Variants in RAB37 observed in about 807,000 individuals in gnomAD.
RAB37 encodes the protein RAB37, member RAS oncogene family.
Under a neutral mutation model 33.1 loss-of-function variants are expected in RAB37, and 29 were observed. The ratio of observed to expected loss-of-function variants is 0.88; its 90% confidence interval spans 0.65 to 1.20. The LOEUF is 1.20. RAB37 is among the 50% of genes most tolerant of loss of function. The probability of loss-of-function intolerance (pLI) is 0.00; values close to 1 mark genes in which losing one functional copy is unlikely to be tolerated. For synonymous variants in RAB37, 128 were observed against 119.5 expected (o/e 1.07, Z -0.47); for missense variants, 299 against 301.1 (o/e 0.99, Z 0.05).
At chr17:74,682,567 C>G (rs1405177464) in intron 1 of RAB37, among the ~76,000 whole-genome samples, 5 of 152,128 alleles carry the variant, frequency 3.3e-5, no homozygotes, top group African/African-American at 9.7e-5. Context: ...ACATGTCCAC[C>G]CCGAAGGTGG....
chr17:74,707,790 T>G (rs955525659), intron 1 of RAB37, among the ~76,000 whole-genome samples: 1 of 150,878 alleles, frequency 6.6e-6, no homozygotes, highest in Non-Finnish European at 1.5e-5. Flanking sequence ...AAACCATGAA[T>G]AAGATAAAAG....
At chr17:74,693,727 G>A (rs994040204) in intron 1 of RAB37, among the ~76,000 whole-genome samples, 2 of 152,008 alleles carry the variant, frequency 1.3e-5, no homozygotes, top group Admixed American at 6.6e-5. Context: ...CCAGGAGTTC[G>A]AGACCAGCCT....
In RAB37 at chr17:74,673,271, T is replaced by C. The variant is rs1022844622; in HGVS notation, c.72+1613T>C. 4.0e-5 allele frequency among the ~76,000 whole-genome samples: 6 copies of C among 151,616 alleles called. No homozygotes were observed. The East Asian group carries it at 1.2e-3, about 29-fold the overall frequency. The stretch of plus-strand genomic sequence containing the variant: ...TACAAAAATTCGCTGGGCATGGTGG[T>C]GTGCGCCTGTGATCCCAGCTACTCA... On this transcript the variant is annotated intron_variant, in intron 1 of 7. Transcript: ENST00000340415.
At position 74,730,308 on chromosome 17, in the gene RAB37, G is replaced by A. The variant is rs756831766; in HGVS notation, c.183+942G>A. On this transcript the variant is annotated intron_variant, in intron 2 of 7. Transcript: ENST00000340415. This position sits in a 1 kb window ranked among gnomAD's most constrained non-coding sequence, Gnocchi z 4.4. ...CAGAGCACAGGGCCTGTGAGATCAC[G>A]CTCAGGGTCAGGACGCAGCAGTGCC... is the stretch of plus-strand genomic sequence containing the variant. Among the ~76,000 whole-genome samples, 8 of 152,202 alleles carry A rather than the reference G, an allele frequency of 5.3e-5. No individual in the cohort carries two copies. The highest frequency in any genetic ancestry group is 7.2e-5 in the African/African-American group (3 of 41,456).
chr17:74,712,929 C>G, intron 1 of RAB37: 2 of 1,539,368 alleles, frequency 1.3e-6, no homozygotes, highest in Non-Finnish European at 1.8e-6. Context: ...AAACTACAGA[C>G]TCCCAGCCTT....
At chr17:74,681,107 A>T (rs578185422) in intron 1 of RAB37, among the ~76,000 whole-genome samples, 1 of 152,238 alleles carries the variant, frequency 6.6e-6, no homozygotes, top group Non-Finnish European at 1.5e-5. Context: ...GGTGGATCAG[A>T]GGGATGGCAC....
Position 74,671,766 on chromosome 17 carries a change from T to C in RAB37, c.72+108T>C. The C allele has an allele frequency of 1.1e-6, 1 of 926,586 alleles. No individual in the cohort carries two copies. The allele number at this position is 926,586 out of a possible 1,614,324, so 57.4% of individuals were successfully genotyped here. On this transcript the variant is annotated intron_variant, in intron 1 of 7. Coordinates refer to the RAB37 transcript ENST00000340415. The surrounding 1 kb of genome is among the most constrained non-coding windows in gnomAD (Gnocchi z 5.0). ...TGGGACTTAATGAGAAACTAGCTTG[T>C]ATCTGTGAGTCTGGGGAGCCCTTTC... is the stretch of plus-strand genomic sequence containing the variant.
intron 1 of RAB37, among the ~76,000 whole-genome samples, chr17:74,728,271 CAT>C (rs2034331310): frequency 1.3e-5 from 2 of 151,136 alleles, no homozygotes; most frequent in Non-Finnish European, 3.0e-5. Flanking sequence ...TGTGTTTCCA[CAT>C]GTCTGTGTGC....
chr17:74,732,982 G>T (rs1388339393), upstream of RAB37, among the ~76,000 whole-genome samples: 4 of 152,032 alleles, frequency 2.6e-5, no homozygotes, highest in African/African-American at 9.7e-5. Context: ...GGGTATTGTG[G>T]GGGTGTGCGT....
At chr17:74,723,519 G>A (rs545720161) in intron 1 of RAB37, among the ~76,000 whole-genome samples, 1 of 151,348 alleles carries the variant, frequency 6.6e-6, no homozygotes, top group African/African-American at 2.4e-5. Context: ...AAAGACGCTT[G>A]TCTGAATGGT....
At chr17:74,711,906 C>CTTTTT in intron 1 of RAB37, among the ~76,000 whole-genome samples, 1 of 123,668 alleles carries the variant, frequency 8.1e-6, no homozygotes, top group Non-Finnish European at 1.7e-5. Context: ...TTTCTTTTTT[C>CTTTTT]TTTTTTTTTT....
chr17:74,743,027 C>A, intron 3 of RAB37, 102 bp from the exon 4 acceptor site: 2 of 1,040,092 alleles, frequency 1.9e-6, no homozygotes, highest in Non-Finnish European at 2.9e-6. Flanking sequence ...AACAGCCCCA[C>A]CTTCCCACAG....
At chr17:74,691,758 A>G (rs913739499) in intron 1 of RAB37, among the ~76,000 whole-genome samples, 1 of 152,166 alleles carries the variant, frequency 6.6e-6, no homozygotes, top group Non-Finnish European at 1.5e-5. Context: ...ATACTTATAC[A>G]TTCTGGGTAG....
At chr17:74,681,615 G>A (rs1567774426) in intron 1 of RAB37, among the ~76,000 whole-genome samples, 1 of 152,202 alleles carries the variant, frequency 6.6e-6, no homozygotes, top group African/African-American at 2.4e-5. Flanking sequence ...GGAAAACAGA[G>A]GGGCACGCCA....
intron 1 of RAB37, chr17:74,695,253 T>A: frequency 6.2e-7 from 1 of 1,613,822 alleles, no homozygotes. Context: ...CAAGGAAGCC[T>A]GCAGCAAAGG....
rs907916065 is a variant in RAB37, at chr17:74,746,098, T to C, written c.*687T>C. ...AAGCACATTGGGGCACCTGGAAATA[T>C]TGGTTCCAGGCTCCTGTTCTCTGGA... is the stretch of plus-strand genomic sequence containing the variant. On this transcript the variant is annotated 3_prime_UTR_variant, in exon 9 of 9. Coordinates refer to ENST00000392613, the MANE Select transcript of RAB37 (RefSeq NM_001006638.3). The surrounding 1 kb of genome is among the most constrained non-coding windows in gnomAD (Gnocchi z 5.2). The C allele has an allele frequency of 2.6e-5, 4 of 152,244 alleles. No individual in the cohort carries two copies. Among genetic ancestry groups the C allele is most frequent in the African/African-American group, 9.7e-5 (4 of 41,438 alleles). 9.4% of individuals were successfully genotyped at this position (152,244 alleles called of 1,614,324 possible).
At chr17:74,687,960 A>T (rs1361463418) in intron 1 of RAB37, among the ~76,000 whole-genome samples, 1 of 152,198 alleles carries the variant, frequency 6.6e-6, no homozygotes. Flanking sequence ...TTATCCTGAG[A>T]CTTGGGGTGC....
intron 5 of RAB37, among the ~76,000 whole-genome samples, chr17:74,743,933 C>T (rs117679327): frequency 7.6e-4 from 116 of 152,294 alleles, no homozygotes; most frequent in Non-Finnish European, 1.4e-3. Flanking sequence ...ACCCCATGCT[C>T]ATGGCAGACA....
chr17:74,717,448 C>A (rs1377239861), intron 1 of RAB37, among the ~76,000 whole-genome samples: 2 of 152,246 alleles, frequency 1.3e-5, no homozygotes, highest in South Asian at 2.1e-4. Flanking sequence ...CGAGGTTGAG[C>A]CTTTGGAGAG....
Sources: allele counts gnomAD v4.1 joint callset (sites outside exome capture counted in the v4.1 genomes callset), GRCh38; gene constraint gnomAD v4.1.1; non-coding constraint Gnocchi (gnomAD v3.1); transcripts MANE v1.5; gene names NCBI Gene and HGNC (gene_info 2026-07-23, HGNC 2026-07-21).